AKT1: variants seen among roughly 807,000 people sequenced by gnomAD.
AKT1 encodes RAC-alpha serine/threonine-protein kinase.
In AKT1, 21 loss-of-function variants were observed where a neutral mutation model predicts 63.1. That is an observed-to-expected ratio of 0.33 (90% CI 0.24 to 0.48). The LOEUF (loss-of-function observed/expected upper bound fraction) is 0.48, where lower values mean the gene tolerates loss of function less well. Ranked by LOEUF, AKT1 falls within the 20% of genes least tolerant of loss-of-function variation. AKT1 has a pLI of 0.99. For missense variants in AKT1, 382 were observed against 666.0 expected (o/e 0.57, Z 4.69); for synonymous variants, 257 against 253.1 (o/e 1.02, Z -0.15).
intron 4 of AKT1, 85 bp downstream of exon 4, chr14:104,780,003 G>T: frequency 6.5e-7 from 1 of 1,547,996 alleles, no homozygotes. Flanking sequence ...GGCTCCAGGG[G>T]ACCCCCATCG....
At chr14:104,788,774 A>G (rs1893468536) in intron 3 of AKT1, among the ~76,000 whole-genome samples, 1 of 151,616 alleles carries the variant, frequency 6.6e-6, no homozygotes, top group South Asian at 2.1e-4. Context: ...CAGCCTCCAT[A>G]CTCCCCACCG....
intron 8 of AKT1, 136 bp from the exon 9 acceptor site, chr14:104,774,116 C>T (rs942420272): frequency 1.0e-5 from 8 of 775,474 alleles, no homozygotes; most frequent in African/African-American, 6.8e-5. Context: ...CACTGCCCGA[C>T]ACCACGCTGC....
rs184236645 is a variant in AKT1 at position 104,779,946 on chromosome 14, G to C, written c.175+142C>G. On this transcript the variant is annotated intron_variant, in intron 4 of 14. Transcript: ENST00000649815. Reference sequence around the variant, plus strand: ...AGCCAGCCTCGGGACTCGGCCCAGAGACCCCCACCCAGCCAGTGCTTGTTG... The same window carrying C: ...AGCCAGCCTCGGGACTCGGCCCAGACACCCCCACCCAGCCAGTGCTTGTTG... 77 of 1,258,110 alleles carry C rather than the reference G, an allele frequency of 6.1e-5. No individual in the cohort carries two copies. The African/African-American group carries it at 1.0e-3, about 16-fold the overall frequency. The allele number at this position is 1,258,110 out of a possible 1,614,324, so 77.9% of individuals were successfully genotyped here.
intron 3 of AKT1, among the ~76,000 whole-genome samples, chr14:104,791,627 A>G (rs1893631711): frequency 6.6e-6 from 1 of 151,874 alleles, no homozygotes; most frequent in Non-Finnish European, 1.5e-5. Context: ...TATACATCCC[A>G]CAATGCCCCA....
intron 3 of AKT1, among the ~76,000 whole-genome samples, chr14:104,788,527 C>T (rs1893451582): frequency 6.6e-6 from 1 of 152,222 alleles, no homozygotes; most frequent in South Asian, 2.1e-4. Flanking sequence ...GTGGCCTGTA[C>T]CCTCTGAGGT....
intron 3 of AKT1, among the ~76,000 whole-genome samples, chr14:104,783,518 C>A (rs993431147): frequency 1.1e-4 from 16 of 150,368 alleles, no homozygotes; most frequent in African/African-American, 2.9e-4. Context: ...AGTCACCCCC[C>A]CAACACCACC....
Position 104,776,779 on chromosome 14 carries a change from A to G in AKT1, c.176-9T>C, listed in dbSNP as rs2140931342. The G allele has an allele frequency of 6.2e-7, 1 of 1,611,192 alleles. No individual in the cohort carries two copies. Among genetic ancestry groups the G allele is most frequent in the South Asian group, 1.1e-5 (1 of 91,020 alleles). ...CTTCATCAGCTGGCACTCTGCGGGC[A>G]GGCAGAGCCTCTGTCTGCGTGCATC... On this transcript the variant is annotated splice_polypyrimidine_tract_variant and intron_variant, in intron 4 of 14. Coordinates refer to ENST00000649815, the MANE Select transcript of AKT1 (RefSeq NM_001382430.1).
chr14:104,777,252 C>A, intron 4 of AKT1: 1 of 202,704 alleles, frequency 4.9e-6, no homozygotes. Flanking sequence ...TGGGGCACAC[C>A]CACACCTGGG....
intron 2 of AKT1, 199 bp downstream of exon 2, chr14:104,792,928 T>G (rs1893703020): frequency 1.7e-6 from 1 of 580,628 alleles, no homozygotes; most frequent in African/African-American, 1.9e-5. Context: ...CTGCCAAGTG[T>G]CAAATCCATG....
intron 14 of AKT1, 36 bp downstream of exon 14, chr14:104,770,707 GAA>G (rs757685843): frequency 2.0e-5 from 31 of 1,566,602 alleles, no homozygotes; most frequent in Non-Finnish European, 2.6e-5. Context: ...AGTGTGGAGA[GAA>G]AAGGGAGTGG....
chr14:104,772,208 A>AG, intron 13 of AKT1, 157 bp downstream of exon 13: 1 of 765,734 alleles, frequency 1.3e-6, no homozygotes, highest in Non-Finnish European at 2.2e-6. Flanking sequence ...CCAGGCGCTG[A>AG]GGTTGGTGCA....
At chr14:104,785,969 G>A (rs538261894) in intron 3 of AKT1, among the ~76,000 whole-genome samples, 35 of 152,124 alleles carry the variant, frequency 2.3e-4, no homozygotes, top group Admixed American at 5.9e-4. Context: ...CAGACCACCT[G>A]GGCCTGGATG....
At chr14:104,772,141 A>C in intron 13 of AKT1, 1 of 596,572 alleles carries the variant, frequency 1.7e-6, no homozygotes, top group East Asian at 2.8e-5. Flanking sequence ...GGGGAGGAGG[A>C]AATGAGGACC....
chr14:104,774,868 TC>T, intron 8 of AKT1, 69 bp downstream of exon 8: 1 of 1,509,996 alleles, frequency 6.6e-7, no homozygotes, highest in Admixed American at 1.9e-5. Context: ...CAGGACATCG[TC>T]CCCTAGAGAC....
rs56412664 is a variant in AKT1, at chr14:104,772,340, G to A, written c.1260+25C>T. 782 of 1,612,706 alleles carry A rather than the reference G, an allele frequency of 4.8e-4. 1 individual carries two copies. The highest frequency in any genetic ancestry group is 2.9e-3 in the African/African-American group (215 of 75,048). On this transcript the variant is annotated intron_variant, in intron 13 of 14. Coordinates refer to ENST00000649815, the MANE Select transcript of AKT1 (RefSeq NM_001382430.1). The stretch of plus-strand genomic sequence containing the variant: ...GGATATGTGGGGAGCATGCGTGCGC[G>A]TGAATATGCGGGGAGCAGCCGCACC...
At chr14:104,789,386 G>A (rs1007944470) in intron 3 of AKT1, among the ~76,000 whole-genome samples, 5 of 152,262 alleles carry the variant, frequency 3.3e-5, no homozygotes, top group Admixed American at 2.6e-4. Context: ...GGGCTAGGCT[G>A]CAGCCAGGCT....
intron 3 of AKT1, among the ~76,000 whole-genome samples, chr14:104,785,740 G>A (rs181013543): frequency 5.3e-5 from 8 of 152,086 alleles, no homozygotes; most frequent in African/African-American, 7.2e-5. Context: ...ACCTCCTTCC[G>A]CTCCACCATG....
At position 104,773,451 on chromosome 14, in the gene AKT1, G is replaced by A. The variant is rs3730330; in HGVS notation, c.828+4C>T. The A allele has an allele frequency of 1.2e-4, 190 of 1,613,894 alleles. No individual in the cohort carries two copies. Among genetic ancestry groups the A allele is most frequent in the Non-Finnish European group, 1.5e-4 (175 of 1,179,852 alleles). ...CCTGCCCCCCTGCCTGCCCGCCAGC[G>A]CACCTTGAGGTCCCGGTACACCACG... On this transcript the variant is annotated splice_donor_region_variant and intron_variant, in intron 10 of 14. Transcript: ENST00000649815.
chr14:104,773,795 C>T (rs1892542271), intron 9 of AKT1, 117 bp downstream of exon 9: 1 of 1,253,388 alleles, frequency 8.0e-7, no homozygotes, highest in Non-Finnish European at 1.1e-6. Context: ...ACACCACCCA[C>T]CCAGCAGGGA....
Sources: allele counts gnomAD v4.1 joint callset (sites outside exome capture counted in the v4.1 genomes callset), GRCh38; gene constraint gnomAD v4.1.1; transcripts MANE v1.5; gene names NCBI Gene and HGNC (gene_info 2026-07-23, HGNC 2026-07-21).